Variants in NOS1AP observed in about 807,000 individuals in gnomAD.
NOS1AP encodes nitric oxide synthase 1 adaptor protein.
Under a neutral mutation model 56.2 loss-of-function variants are expected in NOS1AP, and 21 were observed. That is an observed-to-expected ratio of 0.37 (90% CI 0.26 to 0.54). The LOEUF (loss-of-function observed/expected upper bound fraction) is 0.54, where lower values mean the gene tolerates loss of function less well. Among genes scored for constraint, NOS1AP ranks in the 20% least tolerant of loss-of-function variants. The pLI is 0.84. For synonymous variants in NOS1AP, 270 were observed against 274.6 expected (o/e 0.98, Z 0.17); for missense variants, 522 against 657.8 (o/e 0.79, Z 2.26).
chr1:162,362,113 T>A (rs1279875955), intron 8 of NOS1AP, among the ~76,000 whole-genome samples: 1 of 152,134 alleles, frequency 6.6e-6, no homozygotes, highest in Non-Finnish European at 1.5e-5. Context: ...GTCTGGTGCA[T>A]TCAAATGGCC....
chr1:162,224,221 A>G (rs1652873932), intron 2 of NOS1AP, among the ~76,000 whole-genome samples: 1 of 152,048 alleles, frequency 6.6e-6, no homozygotes, highest in African/African-American at 2.4e-5. Flanking sequence ...CTCAGGAAAC[A>G]AGGAGAGAAA....
intron 1 of NOS1AP, among the ~76,000 whole-genome samples, chr1:162,144,973 T>C (rs988453769): frequency 6.6e-6 from 1 of 152,154 alleles, no homozygotes; most frequent in Non-Finnish European, 1.5e-5. Context: ...GGCATTAGCA[T>C]AAAGACAAGT....
intron 2 of NOS1AP, among the ~76,000 whole-genome samples, chr1:162,253,985 G>GGAA: frequency 6.6e-6 from 1 of 152,118 alleles, no homozygotes; most frequent in East Asian, 1.9e-4. Context: ...AGAGGTAAAG[G>GGAA]GAAGATAGGA....
chr1:162,349,884 G>A (rs763017098), intron 6 of NOS1AP, among the ~76,000 whole-genome samples: 1 of 152,242 alleles, frequency 6.6e-6, no homozygotes, highest in East Asian at 1.9e-4. Flanking sequence ...TTTGGAATTA[G>A]CATTTGGTTC....
intron 2 of NOS1AP, among the ~76,000 whole-genome samples, chr1:162,209,897 T>G (rs1291111317): frequency 6.6e-6 from 1 of 152,086 alleles, no homozygotes; most frequent in Non-Finnish European, 1.5e-5. Context: ...GAAGAAAGCT[T>G]AGGAGGGAAG....
intron 2 of NOS1AP, among the ~76,000 whole-genome samples, chr1:162,182,080 T>C (rs2102146325): frequency 6.6e-6 from 1 of 152,336 alleles, no homozygotes. Context: ...TCCTTCTTCA[T>C]GTACTAGAGG....
intron 1 of NOS1AP, among the ~76,000 whole-genome samples, chr1:162,113,422 A>G (rs935960244): frequency 7.2e-5 from 11 of 152,162 alleles, no homozygotes; most frequent in African/African-American, 2.7e-4. Context: ...ACCTCCTCTA[A>G]TGAGTCCATT....
chr1:162,109,202 G>C (rs1382967247), intron 1 of NOS1AP, among the ~76,000 whole-genome samples: 2 of 152,206 alleles, frequency 1.3e-5, no homozygotes, highest in African/African-American at 4.8e-5. Flanking sequence ...TTCAAGGTGA[G>C]ATTTGGGTGG....
intron 1 of NOS1AP, among the ~76,000 whole-genome samples, chr1:162,093,249 A>T (rs776906680): frequency 2.0e-5 from 3 of 152,204 alleles, no homozygotes; most frequent in Non-Finnish European, 4.4e-5. Context: ...ATGAAAGAGA[A>T]TTTTATTCAT....
chr1:162,121,655 T>C (rs1057085074), intron 1 of NOS1AP, among the ~76,000 whole-genome samples: 3 of 152,208 alleles, frequency 2.0e-5, no homozygotes, highest in Admixed American at 2.0e-4. Flanking sequence ...GCACCATGTC[T>C]GCCATATATG....
chr1:162,297,386 C>A (rs1655499334), intron 3 of NOS1AP, among the ~76,000 whole-genome samples: 1 of 152,214 alleles, frequency 6.6e-6, no homozygotes, highest in Admixed American at 6.5e-5. Context: ...GCCACCGCAG[C>A]CACTTCCTGA....
intron 1 of NOS1AP, among the ~76,000 whole-genome samples, chr1:162,094,728 CAGCT>C (rs1692199818): frequency 6.6e-6 from 1 of 152,184 alleles, no homozygotes; most frequent in African/African-American, 2.4e-5. Context: ...CAAGATCTCT[CAGCT>C]AGTTTAGGAT....
At chr1:162,225,812 A>T (rs1297677950) in intron 2 of NOS1AP, among the ~76,000 whole-genome samples, 1 of 152,208 alleles carries the variant, frequency 6.6e-6, no homozygotes, top group Non-Finnish European at 1.5e-5. Context: ...TAGATTACTG[A>T]TGGTGTCATT....
chr1:162,224,819 G>A (rs1199692154), intron 2 of NOS1AP, among the ~76,000 whole-genome samples: 1 of 152,192 alleles, frequency 6.6e-6, no homozygotes, highest in East Asian at 1.9e-4. Flanking sequence ...GGCTAAGACT[G>A]ATGTTGTTTC....
intron 7 of NOS1AP, 110 bp downstream of exon 7, chr1:162,355,463 A>C: frequency 3.0e-6 from 4 of 1,347,278 alleles, no homozygotes; most frequent in Non-Finnish European, 4.2e-6. Flanking sequence ...TCCATGGCAC[A>C]GTGGCGGTGC....
intron 1 of NOS1AP, among the ~76,000 whole-genome samples, chr1:162,110,527 T>C (rs1181572139): frequency 6.6e-6 from 1 of 152,216 alleles, no homozygotes; most frequent in Non-Finnish European, 1.5e-5. Flanking sequence ...CAGAATCTTA[T>C]GACTTCAAAA....
chr1:162,223,791 A>G (rs1376045903), intron 2 of NOS1AP, among the ~76,000 whole-genome samples: 2 of 152,338 alleles, frequency 1.3e-5, no homozygotes, highest in South Asian at 2.1e-4. Context: ...CCATAATGGC[A>G]GTTTAGTCTA....
At chr1:162,165,680 C>A (rs1306436741) in intron 2 of NOS1AP, among the ~76,000 whole-genome samples, 1 of 152,168 alleles carries the variant, frequency 6.6e-6, no homozygotes, top group East Asian at 1.9e-4. Flanking sequence ...CAAGAACATG[C>A]CGACTGTCCC....
In NOS1AP at chr1:162,356,837, T is replaced by C. The variant is rs191880123; in HGVS notation, c.763-123T>C. Reference sequence around the variant, plus strand: ...ACTCCCATTTCCATTGAAGATATAGTGCTGTCAGCTTATGGGTTGTAAGTG... The same window carrying C: ...ACTCCCATTTCCATTGAAGATATAGCGCTGTCAGCTTATGGGTTGTAAGTG... On this transcript the variant is annotated intron_variant, in intron 7 of 9. Coordinates refer to ENST00000361897, the MANE Select transcript of NOS1AP (RefSeq NM_014697.3). The C allele has an allele frequency of 6.2e-4, 988 of 1,596,258 alleles. 8 individuals are homozygous for C. The African/African-American group carries it at 0.012, about 19-fold the overall frequency.
Sources: gnomAD v4.1 joint callset for allele counts (sites outside exome capture counted in the v4.1 genomes callset) on GRCh38, gnomAD v4.1.1 for gene constraint, MANE v1.5 for transcripts, NCBI Gene and HGNC (gene_info 2026-07-23, HGNC 2026-07-21) for gene names.